Variants in SH3RF3 observed in about 807,000 individuals in gnomAD.
SH3RF3 encodes E3 ubiquitin-protein ligase SH3RF3.
A neutral mutation model predicts 66.3 loss-of-function variants in SH3RF3; 29 were observed. That is an observed-to-expected ratio of 0.44 (90% CI 0.33 to 0.60). SH3RF3 has a LOEUF of 0.60. Among genes scored for constraint, SH3RF3 ranks in the 20% least tolerant of loss-of-function variants. SH3RF3 has a pLI of 0.04. For missense variants in SH3RF3, 1,194 were observed against 1,190.9 expected, an observed-to-expected ratio of 1.00 and a Z score of -0.04; for synonymous variants, 583 against 532.0, an observed-to-expected ratio of 1.10 and a Z score of -1.32.
intron 1 of SH3RF3, among the ~76,000 whole-genome samples, chr2:109,139,558 A>C (rs1676890214): frequency 6.6e-6 from 1 of 152,246 alleles, no homozygotes; most frequent in Non-Finnish European, 1.5e-5. Flanking sequence ...TCTGAGTTTT[A>C]AAAATTAATT....
chr2:109,498,188 G>A (rs28437391), intron 9 of SH3RF3, among the ~76,000 whole-genome samples: 38,791 of 152,030 alleles, frequency 0.26, 5,302 homozygotes, highest in East Asian at 0.5. Context: ...AGCAGAGTCT[G>A]GTTCGCCGGC....
chr2:109,299,611 T>G (rs184008496), intron 1 of SH3RF3, among the ~76,000 whole-genome samples: 2 of 152,298 alleles, frequency 1.3e-5, no homozygotes, highest in East Asian at 1.9e-4. Context: ...TTTCCTTGCA[T>G]GAGCTCACAG....
intron 7 of SH3RF3, among the ~76,000 whole-genome samples, chr2:109,437,456 ATAT>A (rs1286313266): frequency 2.6e-5 from 4 of 152,208 alleles, no homozygotes; most frequent in African/African-American, 9.6e-5. Context: ...AAATTTACAA[ATAT>A]TTACACATTT....
chr2:109,207,196 G>T (rs1678861018), intron 1 of SH3RF3, among the ~76,000 whole-genome samples: 2 of 152,156 alleles, frequency 1.3e-5, no homozygotes, highest in South Asian at 4.1e-4. Context: ...CTCTCATCTT[G>T]TGCAAACAGG....
intron 1 of SH3RF3, among the ~76,000 whole-genome samples, chr2:109,248,402 A>AT (rs974342536): frequency 2.6e-5 from 4 of 151,924 alleles, no homozygotes; most frequent in Admixed American, 6.6e-5. Context: ...TATCGCTCTC[A>AT]TTTTTTTCCT....
At chr2:109,139,611 T>C (rs972352621) in intron 1 of SH3RF3, among the ~76,000 whole-genome samples, 2 of 152,230 alleles carry the variant, frequency 1.3e-5, no homozygotes, top group Non-Finnish European at 2.9e-5. Flanking sequence ...ATCTGCTGTC[T>C]CGGTTTGACA....
At chr2:109,219,789 T>C (rs1002627875) in intron 1 of SH3RF3, among the ~76,000 whole-genome samples, 4 of 152,176 alleles carry the variant, frequency 2.6e-5, no homozygotes, top group Non-Finnish European at 4.4e-5. Flanking sequence ...TACAAATAAG[T>C]GGAAATGCAT....
chr2:109,203,042 T>C (rs1678721397), intron 1 of SH3RF3, among the ~76,000 whole-genome samples: 1 of 152,118 alleles, frequency 6.6e-6, no homozygotes, highest in Non-Finnish European at 1.5e-5. Flanking sequence ...CCTACAGTGA[T>C]TGGAGGGGAA....
At chr2:109,413,615 C>T (rs1452663319) in intron 4 of SH3RF3, among the ~76,000 whole-genome samples, 2 of 152,188 alleles carry the variant, frequency 1.3e-5, no homozygotes, top group African/African-American at 4.8e-5. Flanking sequence ...TCACCAGGAC[C>T]TGGGGCTGTA....
chr2:109,189,407 C>T (rs376762983), intron 1 of SH3RF3, among the ~76,000 whole-genome samples: 5 of 149,110 alleles, frequency 3.4e-5, no homozygotes, highest in East Asian at 3.9e-4. Context: ...GAGTCTCTGT[C>T]GCCCAGGCTG....
intron 1 of SH3RF3, among the ~76,000 whole-genome samples, chr2:109,194,605 T>C (rs929379000): frequency 6.6e-6 from 1 of 152,132 alleles, no homozygotes; most frequent in Non-Finnish European, 1.5e-5. Flanking sequence ...GGCAGGCACA[T>C]ATGCACACAC....
intron 1 of SH3RF3, among the ~76,000 whole-genome samples, chr2:109,256,921 G>A (rs769433911): frequency 1.1e-4 from 16 of 152,262 alleles, no homozygotes; most frequent in African/African-American, 2.6e-4. Flanking sequence ...TTTCATGAAC[G>A]GTGGTGGATG....
chr2:109,384,131 C>T (rs1011850002), intron 3 of SH3RF3, among the ~76,000 whole-genome samples: 1 of 152,202 alleles, frequency 6.6e-6, no homozygotes, highest in Non-Finnish European at 1.5e-5. Context: ...AGGGCAGTGC[C>T]CTCCCCACAG....
At chr2:109,296,399 T>G (rs189275988) in intron 1 of SH3RF3, among the ~76,000 whole-genome samples, 2,293 of 151,794 alleles carry the variant, frequency 0.015, 22 homozygotes, top group African/African-American at 0.017. Flanking sequence ...AGTTTTTTTT[T>G]TGTGTGTGTG....
At chr2:109,278,299 C>A (rs1308448559) in intron 1 of SH3RF3, among the ~76,000 whole-genome samples, 1 of 152,228 alleles carries the variant, frequency 6.6e-6, no homozygotes, top group Non-Finnish European at 1.5e-5. Context: ...TTCAGCCACC[C>A]TGGTGCACAC....
At chr2:109,176,165 G>A (rs560471129) in intron 1 of SH3RF3, among the ~76,000 whole-genome samples, 42 of 152,206 alleles carry the variant, frequency 2.8e-4, no homozygotes, top group African/African-American at 9.2e-4. Flanking sequence ...AAATTCAAAG[G>A]GTAATAACCA....
At chr2:109,388,440 G>T (rs1223229276) in intron 3 of SH3RF3, among the ~76,000 whole-genome samples, 2 of 152,162 alleles carry the variant, frequency 1.3e-5, no homozygotes, top group Non-Finnish European at 2.9e-5. Flanking sequence ...GCTGAGTGAG[G>T]CTTGGACTCA....
intron 3 of SH3RF3, among the ~76,000 whole-genome samples, chr2:109,382,569 G>A (rs1249068476): frequency 6.6e-6 from 1 of 152,098 alleles, no homozygotes; most frequent in Non-Finnish European, 1.5e-5. Context: ...CAGCCCCTCT[G>A]TCACCCCACA....
rs1677429141 is a variant in SH3RF3, at chr2:109,437,164, T to G, written c.1828+18T>G. On this transcript the variant is annotated intron_variant, in intron 7 of 9. Coordinates refer to ENST00000309415, the MANE Select transcript of SH3RF3 (RefSeq NM_001099289.3). ...TTCAACAGGTACCTTCACAGGGGCC[T>G]CACCCTGCAGGGCATCAACAAGGGG... The G allele has an allele frequency of 6.3e-7, 1 of 1,597,954 alleles. No homozygotes were observed. Among genetic ancestry groups the G allele is most frequent in the Non-Finnish European group, 8.6e-7 (1 of 1,169,570 alleles).
Sources: allele counts gnomAD v4.1 joint callset (sites outside exome capture counted in the v4.1 genomes callset), GRCh38; gene constraint gnomAD v4.1.1; transcripts MANE v1.5; gene names NCBI Gene and HGNC (gene_info 2026-07-23, HGNC 2026-07-21).